The following GABRA4 variants were observed in gnomAD, a reference collection of about 807,000 sequenced individuals.
The protein encoded by GABRA4 is gamma-aminobutyric acid type A receptor subunit alpha4.
A neutral mutation model predicts 49.7 loss-of-function variants in GABRA4; 12 were observed. The ratio of observed to expected loss-of-function variants is 0.24; its 90% CI spans 0.15 to 0.39. GABRA4 has a LOEUF of 0.39. Ranked by LOEUF, GABRA4 falls within the 10% of genes least tolerant of loss-of-function variation. The pLI, the probability that GABRA4 is intolerant of heterozygous loss-of-function variation, is 1.00. For missense variants in GABRA4, 506 were observed against 686.0 expected (o/e 0.74, Z 2.93); for synonymous variants, 288 against 240.2 (o/e 1.20, Z -1.84).
intron 8 of GABRA4, among the ~76,000 whole-genome samples, chr4:46,936,224 A>C (rs1238902066): frequency 6.6e-6 from 1 of 152,168 alleles, no homozygotes; most frequent in African/African-American, 2.4e-5. Context: ...CTTGTGTACT[A>C]TTCTATCAGA....
intron 8 of GABRA4, among the ~76,000 whole-genome samples, chr4:46,959,405 A>G (rs777820712): frequency 7.9e-5 from 12 of 151,982 alleles, no homozygotes; most frequent in Non-Finnish European, 1.5e-4. Flanking sequence ...AATTTTGACT[A>G]TATTTATTTT....
intron 8 of GABRA4, among the ~76,000 whole-genome samples, chr4:46,943,980 A>AG (rs969701285): frequency 3.3e-5 from 5 of 151,916 alleles, no homozygotes; most frequent in African/African-American, 1.2e-4. Context: ...GGTGTGGGCC[A>AG]GGGGGGAATG....
At chr4:46,940,236 T>A (rs1479686628) in intron 8 of GABRA4, among the ~76,000 whole-genome samples, 3 of 152,106 alleles carry the variant, frequency 2.0e-5, no homozygotes, top group Non-Finnish European at 4.4e-5. Context: ...TTTAAAAATT[T>A]ACTATTCAAG....
Position 46,969,636 on chromosome 4 carries a change from G to A in GABRA4, c.874+1447C>T, listed in dbSNP as rs116161982. Reference sequence around the variant, plus strand: ...AAGTATTGGAGAAAGTAATTAATACGAACTAAGTGGTCCAGATACCCTATA... The same window carrying A: ...AAGTATTGGAGAAAGTAATTAATACAAACTAAGTGGTCCAGATACCCTATA... On this transcript the variant is annotated intron_variant, in intron 7 of 8. Coordinates refer to ENST00000264318, the MANE Select transcript of GABRA4 (RefSeq NM_000809.4). Among the ~76,000 whole-genome samples the A allele has an allele frequency of 5.1e-3, 773 of 151,502 alleles. 7 individuals carry two copies. Among genetic ancestry groups the A allele is most frequent in the East Asian group, 0.026 (135 of 5,096 alleles).
chr4:46,982,410 T>C (rs1723388137), intron 2 of GABRA4, among the ~76,000 whole-genome samples: 1 of 151,742 alleles, frequency 6.6e-6, no homozygotes, highest in Non-Finnish European at 1.5e-5. Context: ...GCAGAGACAA[T>C]GTGAACATGG....
chr4:46,955,302 G>A (rs1300515103), intron 8 of GABRA4, among the ~76,000 whole-genome samples: 1 of 151,900 alleles, frequency 6.6e-6, no homozygotes, highest in Non-Finnish European at 1.5e-5. Context: ...TAAACTTATG[G>A]CATTTCCTTT....
intron 8 of GABRA4, among the ~76,000 whole-genome samples, chr4:46,936,888 G>A (rs911864351): frequency 6.6e-6 from 1 of 152,164 alleles, no homozygotes; most frequent in Non-Finnish European, 1.5e-5. Context: ...TTGCAAGTGG[G>A]AAATGGGGCA....
chr4:46,956,538 C>T (rs955291899), intron 8 of GABRA4, among the ~76,000 whole-genome samples: 34 of 151,968 alleles, frequency 2.2e-4, no homozygotes, highest in African/African-American at 8.2e-4. Context: ...GTAGATTTGC[C>T]GAGCCTCTTT....
At chr4:46,937,442 A>G (rs1162518085) in intron 8 of GABRA4, among the ~76,000 whole-genome samples, 1 of 152,206 alleles carries the variant, frequency 6.6e-6, no homozygotes, top group Non-Finnish European at 1.5e-5. Flanking sequence ...TCTTTTTTAT[A>G]GGAAAAAAAC....
chr4:46,931,221 G>C (rs1444913790), intron 8 of GABRA4, among the ~76,000 whole-genome samples: 1 of 152,106 alleles, frequency 6.6e-6, no homozygotes, highest in East Asian at 1.9e-4. Flanking sequence ...GCCAGGAATA[G>C]TGCATGTTTC....
intron 7 of GABRA4, among the ~76,000 whole-genome samples, 178 bp from the exon 8 acceptor site, chr4:46,965,407 A>C (rs1722719380): frequency 6.6e-6 from 1 of 151,878 alleles, no homozygotes; most frequent in South Asian, 2.1e-4. Flanking sequence ...TAAAATTAGC[A>C]CAGGCTTTGG....
At chr4:46,937,169 A>G (rs911938770) in intron 8 of GABRA4, among the ~76,000 whole-genome samples, 2 of 152,172 alleles carry the variant, frequency 1.3e-5, no homozygotes, top group African/African-American at 4.8e-5. Flanking sequence ...CTGTCTTCTC[A>G]CCACCTCCAC....
chr4:46,935,476 G>A (rs1427825058), intron 8 of GABRA4, among the ~76,000 whole-genome samples: 2 of 152,114 alleles, frequency 1.3e-5, no homozygotes, highest in Non-Finnish European at 2.9e-5. Context: ...AAAATGATAT[G>A]TCACAGAAAT....
intron 8 of GABRA4, among the ~76,000 whole-genome samples, chr4:46,963,331 ACTTG>A (rs1274117004): frequency 6.6e-6 from 1 of 151,776 alleles, no homozygotes; most frequent in Non-Finnish European, 1.5e-5. Flanking sequence ...CCAAATCTCA[ACTTG>A]AATTTTATCC....
intron 3 of GABRA4, 62 bp from the exon 4 acceptor site, chr4:46,977,692 T>C: frequency 9.0e-7 from 1 of 1,108,122 alleles, no homozygotes; most frequent in Non-Finnish European, 1.3e-6. Flanking sequence ...TATGTGAAAA[T>C]AATGCATTAA....
chr4:46,985,334 T>C (rs1274464425), intron 2 of GABRA4, among the ~76,000 whole-genome samples: 2 of 152,038 alleles, frequency 1.3e-5, no homozygotes, highest in African/African-American at 2.4e-5. Flanking sequence ...GGAGACCACA[T>C]AGCAGAATAA....
At chr4:46,955,020 A>G (rs62303699) in intron 8 of GABRA4, among the ~76,000 whole-genome samples, 24,313 of 152,164 alleles carry the variant, frequency 0.16, 2,643 homozygotes, top group East Asian at 0.36. Context: ...CTAGCACAGT[A>G]TGTAGCACAT....
chr4:46,931,911 G>C (rs1283827653), intron 8 of GABRA4, among the ~76,000 whole-genome samples: 1 of 152,170 alleles, frequency 6.6e-6, no homozygotes, highest in African/African-American at 2.4e-5. Context: ...CCGAGCAAGC[G>C]TAATCAACAT....
rs952726185 is a variant in GABRA4, at chr4:46,927,923, A to G, written c.*302T>C. The G allele has an allele frequency of 1.8e-5, 4 of 221,126 alleles. No individual in the cohort carries two copies. Among genetic ancestry groups the G allele is most frequent in the Admixed American group, 1.6e-4 (3 of 19,132 alleles). 13.7% of individuals were successfully genotyped at this position (221,126 alleles called of 1,614,324 possible). ...TGTCATAGTCTGTTTTCAAATATCA[A>G]TGAAAAAATATGCGCCACTTGTCTC... On this transcript the variant is annotated 3_prime_UTR_variant, in exon 9 of 9. Coordinates refer to ENST00000264318, the MANE Select transcript of GABRA4 (RefSeq NM_000809.4).
Sources: gnomAD v4.1 joint callset for allele counts (sites outside exome capture counted in the v4.1 genomes callset) on GRCh38, gnomAD v4.1.1 for gene constraint, MANE v1.5 for transcripts, NCBI Gene and HGNC (gene_info 2026-07-23, HGNC 2026-07-21) for gene names.